The following NTNG1 variants were observed in gnomAD, a reference collection of about 807,000 sequenced individuals.
NTNG1 encodes netrin G1.
Under a neutral mutation model 54.0 loss-of-function variants are expected in NTNG1, and 16 were observed. The ratio of observed to expected loss-of-function variants is 0.30; its 90% CI spans 0.20 to 0.45. The LOEUF is 0.45. NTNG1 is among the 20% of genes least tolerant of loss of function. The pLI, the probability that NTNG1 is intolerant of heterozygous loss-of-function variation, is 1.00. For synonymous variants in NTNG1, 255 were observed against 263.1 expected (o/e 0.97, Z 0.30); for missense variants, 530 against 678.7 (o/e 0.78, Z 2.43).
At chr1:107,418,530 T>G in intron 5 of NTNG1, 1 of 1,324,666 alleles carries the variant, frequency 7.5e-7, no homozygotes, top group Admixed American at 2.2e-5. Flanking sequence ...TTAGACCAAA[T>G]GACATTATAG....
At chr1:107,237,097 T>A (rs1398501451) in intron 2 of NTNG1, among the ~76,000 whole-genome samples, 1 of 152,170 alleles carries the variant, frequency 6.6e-6, no homozygotes. Flanking sequence ...CTGTTGAATG[T>A]CTTTGACCAA....
chr1:107,174,768 A>G (rs1432503941), intron 2 of NTNG1, among the ~76,000 whole-genome samples: 2 of 151,920 alleles, frequency 1.3e-5, no homozygotes, highest in Non-Finnish European at 1.5e-5. Context: ...TTGTCTACCT[A>G]ATTTTAGTGC....
At chr1:107,449,716 G>A (rs561996501) in intron 7 of NTNG1, among the ~76,000 whole-genome samples, 6 of 99,904 alleles carry the variant, frequency 6.0e-5, no homozygotes, top group South Asian at 3.2e-4. Flanking sequence ...TTCTTCTGCT[G>A]GATTAAAAAA....
At chr1:107,475,385 T>C (rs568243112) in intron 7 of NTNG1, among the ~76,000 whole-genome samples, 2 of 152,322 alleles carry the variant, frequency 1.3e-5, no homozygotes, top group South Asian at 2.1e-4. Flanking sequence ...CTACAGCTCA[T>C]CTAGATGGTT....
At chr1:107,162,601 A>G (rs1321737666) in intron 2 of NTNG1, among the ~76,000 whole-genome samples, 1 of 152,168 alleles carries the variant, frequency 6.6e-6, no homozygotes, top group African/African-American at 2.4e-5. Flanking sequence ...ATTTGGATAA[A>G]TAAACATTGA....
At chr1:107,228,709 G>C (rs1402057696) in intron 2 of NTNG1, among the ~76,000 whole-genome samples, 1 of 152,172 alleles carries the variant, frequency 6.6e-6, no homozygotes, top group Non-Finnish European at 1.5e-5. Context: ...AGTTGAATAT[G>C]CCACTGATAT....
At chr1:107,290,012 C>G (rs1308742003) in intron 2 of NTNG1, among the ~76,000 whole-genome samples, 1 of 152,136 alleles carries the variant, frequency 6.6e-6, no homozygotes, top group Non-Finnish European at 1.5e-5. Context: ...AAAAAACCAT[C>G]CTTGACATTT....
At chr1:107,206,002 G>C (rs1659162645) in intron 2 of NTNG1, among the ~76,000 whole-genome samples, 2 of 152,068 alleles carry the variant, frequency 1.3e-5, no homozygotes, top group Admixed American at 1.3e-4. Context: ...TGCTCACTGT[G>C]ACAATTTATC....
At chr1:107,251,216 G>T (rs1662584240) in intron 2 of NTNG1, among the ~76,000 whole-genome samples, 1 of 152,072 alleles carries the variant, frequency 6.6e-6, no homozygotes, top group African/African-American at 2.4e-5. Flanking sequence ...CTAAAATCTT[G>T]CTCATATATC....
At chr1:107,249,525 T>C (rs1391531268) in intron 2 of NTNG1, among the ~76,000 whole-genome samples, 2 of 152,000 alleles carry the variant, frequency 1.3e-5, no homozygotes, top group Non-Finnish European at 2.9e-5. Context: ...ACTATATGTG[T>C]ATTTGGACAT....
intron 7 of NTNG1, among the ~76,000 whole-genome samples, chr1:107,480,392 T>C (rs796193987): frequency 4.6e-5 from 7 of 151,966 alleles, no homozygotes; most frequent in African/African-American, 1.7e-4. Context: ...GCAGCAAAAA[T>C]CTATATGAAA....
At chr1:107,382,277 T>C (rs1168902183) in intron 3 of NTNG1, among the ~76,000 whole-genome samples, 2 of 152,190 alleles carry the variant, frequency 1.3e-5, no homozygotes, top group African/African-American at 2.4e-5. Context: ...GAGACATTTT[T>C]CAACATAGAT....
intron 2 of NTNG1, among the ~76,000 whole-genome samples, chr1:107,260,140 A>T (rs951255072): frequency 3.3e-5 from 5 of 152,210 alleles, no homozygotes; most frequent in African/African-American, 2.4e-5. Flanking sequence ...TGAAAAGTGA[A>T]AATACTCATT....
chr1:107,410,497 G>T (rs867728070), intron 5 of NTNG1: 2 of 152,142 alleles, frequency 1.3e-5, no homozygotes, highest in Middle Eastern at 3.2e-3. Context: ...TTAGAACTCA[G>T]TCATTCTGAT....
chr1:107,347,679 C>T (rs988547769), intron 3 of NTNG1, among the ~76,000 whole-genome samples: 3 of 152,134 alleles, frequency 2.0e-5, no homozygotes, highest in African/African-American at 7.2e-5. Flanking sequence ...AAGAAATACC[C>T]GAGACTGGGT....
chr1:107,410,604 T>C (rs1673733874), intron 5 of NTNG1: 1 of 152,184 alleles, frequency 6.6e-6, no homozygotes, highest in South Asian at 2.1e-4. Flanking sequence ...GATCTATGTT[T>C]TCACTTTACC....
chr1:107,282,544 A>G (rs1264794372), intron 2 of NTNG1, among the ~76,000 whole-genome samples: 1 of 152,152 alleles, frequency 6.6e-6, no homozygotes, highest in Non-Finnish European at 1.5e-5. Context: ...TCACTATTGC[A>G]TAATCAGGCA....
At chr1:107,368,172 C>T (rs1670712185) in intron 3 of NTNG1, among the ~76,000 whole-genome samples, 1 of 152,104 alleles carries the variant, frequency 6.6e-6, no homozygotes, top group Non-Finnish European at 1.5e-5. Context: ...TTCTTACATC[C>T]TTATTACCTC....
intron 3 of NTNG1, among the ~76,000 whole-genome samples, chr1:107,394,162 A>C (rs1428542852): frequency 6.6e-6 from 1 of 152,108 alleles, no homozygotes; most frequent in Non-Finnish European, 1.5e-5. Flanking sequence ...CTCTTCCCAC[A>C]TACATTATTC....
Sources: gnomAD v4.1 joint callset for allele counts (sites outside exome capture counted in the v4.1 genomes callset) on GRCh38, gnomAD v4.1.1 for gene constraint, MANE v1.5 for transcripts, NCBI Gene and HGNC (gene_info 2026-07-23, HGNC 2026-07-21) for gene names.